Variants in ITGAM observed in about 807,000 individuals in gnomAD.
The protein encoded by ITGAM is integrin subunit alpha M.
ITGAM carries 79 observed loss-of-function variants against 137.5 expected under a neutral mutation model. The ratio of observed to expected loss-of-function variants is 0.57; its 90% CI spans 0.48 to 0.69. ITGAM has a LOEUF of 0.69. Ranked by LOEUF, ITGAM falls within the 30% of genes least tolerant of loss-of-function variation. The probability of loss-of-function intolerance (pLI) is 0.00; values close to 1 mark genes in which losing one functional copy is unlikely to be tolerated. For missense variants in ITGAM, 1,343 were observed against 1,483.5 expected (o/e 0.91, Z 1.56); for synonymous variants, 583 against 592.3 (o/e 0.98, Z 0.23).
chr16:31,292,725 T>TC (rs746884642), intron 12 of ITGAM, among the ~76,000 whole-genome samples: 1 of 152,138 alleles, frequency 6.6e-6, no homozygotes, highest in Non-Finnish European at 1.5e-5. Flanking sequence ...CAATAAATAT[T>TC]CATGTGCATG....
rs771365690 is a variant in ITGAM, at chr16:31,321,300, G to C, written c.1767G>C (p.Gly589=). The C allele has an allele frequency of 1.9e-6, 3 of 1,613,996 alleles. No individual in the cohort carries two copies. The South Asian group carries it at 3.3e-5, about 18-fold the overall frequency. Residue 589 remains glycine, a synonymous_variant, in exon 15 of 30, where the codon GGG becomes GGC. Coordinates refer to ENST00000544665, the MANE Select transcript of ITGAM (RefSeq NM_000632.4). ...AGTATTTTGGTCAGTCACTGAGTGG[G>C]GGCCAGGACCTCACAATGGATGGAC... ...RLQYFGQSLS[G]GQDLTMDGLV...
At position 31,329,258 on chromosome 16, in the gene ITGAM, C is replaced by T; in HGVS notation, c.2823C>T (p.Phe941=). 2 of 1,613,180 alleles carry T rather than the reference C, an allele frequency of 1.2e-6. No homozygotes were observed. Among genetic ancestry groups the T allele is most frequent in the Non-Finnish European group, 1.7e-6 (2 of 1,179,338 alleles). The change falls in exon 24 of 30, where the codon TTC becomes TTT. Residue 941 remains phenylalanine, a synonymous_variant. Coordinates refer to ENST00000544665, the MANE Select transcript of ITGAM (RefSeq NM_000632.4). The part of the protein sequence containing the change: ...SHGVSTKYLN[F]TASENTSRVM... ...GGGTCTCCACTAAATATCTCAACTT[C>T]ACGGCCTCAGAGAATACCAGTCGGG...
At chr16:31,300,763 T>C (rs760082143) in intron 14 of ITGAM, among the ~76,000 whole-genome samples, 5 of 152,042 alleles carry the variant, frequency 3.3e-5, no homozygotes, top group Non-Finnish European at 7.4e-5. Flanking sequence ...ATACAAAAAT[T>C]AGCCGGGCTG....
intron 22 of ITGAM, 23 bp downstream of exon 22, chr16:31,326,958 T>G (rs778650998): frequency 1.8e-5 from 28 of 1,572,820 alleles, no homozygotes; most frequent in Non-Finnish European, 2.3e-5. Context: ...ACCAGGCTTC[T>G]GCAGGCAGTT....
chr16:31,314,583 G>T (rs2080370466), intron 14 of ITGAM, among the ~76,000 whole-genome samples: 2 of 152,028 alleles, frequency 1.3e-5, no homozygotes, highest in Admixed American at 6.6e-5. Context: ...TGTTTCATTT[G>T]TCTATATATC....
chr16:31,279,057 G>A (rs1273995296), intron 12 of ITGAM, among the ~76,000 whole-genome samples: 4 of 152,158 alleles, frequency 2.6e-5, no homozygotes, highest in Admixed American at 6.5e-5. Context: ...TCCCTACAAA[G>A]GACATGAACT....
intron 11 of ITGAM, 143 bp from the exon 12 acceptor site, chr16:31,277,824 C>T (rs561212977): frequency 1.2e-6 from 1 of 845,378 alleles, no homozygotes; most frequent in South Asian, 1.9e-5. Context: ...TAATTATGTT[C>T]ATAAAGAGAA....
chr16:31,306,009 C>G (rs1208785850), intron 14 of ITGAM, among the ~76,000 whole-genome samples: 1 of 152,024 alleles, frequency 6.6e-6, no homozygotes, highest in East Asian at 1.9e-4. Flanking sequence ...CCCTCTTTCT[C>G]TATCTTTTGG....
At chr16:31,311,919 G>T (rs943194336) in intron 14 of ITGAM, among the ~76,000 whole-genome samples, 3 of 151,946 alleles carry the variant, frequency 2.0e-5, no homozygotes, top group Non-Finnish European at 2.9e-5. Context: ...GATTAAGAAA[G>T]TGTGGCACAT....
chr16:31,306,158 C>T (rs925671551), intron 14 of ITGAM, among the ~76,000 whole-genome samples: 11 of 152,038 alleles, frequency 7.2e-5, no homozygotes, highest in African/African-American at 2.7e-4. Context: ...CTTGCTATAG[C>T]TATTATATGA....
chr16:31,291,518 C>T (rs572235201), intron 12 of ITGAM, among the ~76,000 whole-genome samples: 37 of 151,946 alleles, frequency 2.4e-4, no homozygotes, highest in Non-Finnish European at 4.3e-4. Context: ...TTTGTCTTTT[C>T]GATAAAAGCC....
At chr16:31,282,785 C>T (rs898714676) in intron 12 of ITGAM, among the ~76,000 whole-genome samples, 21 of 152,124 alleles carry the variant, frequency 1.4e-4, no homozygotes, top group Admixed American at 1.0e-3. Context: ...TTATTTTGCT[C>T]GTTAGTTGAT....
At chr16:31,301,708 T>C (rs2080199134) in intron 14 of ITGAM, among the ~76,000 whole-genome samples, 2 of 152,188 alleles carry the variant, frequency 1.3e-5, no homozygotes, top group Admixed American at 6.5e-5. Context: ...GTGAAACTTA[T>C]TTTACTAATT....
rs760759749 is a variant in ITGAM, at chr16:31,265,517, G to A, written c.238+19G>A. The A allele has an allele frequency of 1.8e-5, 28 of 1,522,314 alleles. No homozygotes were observed. Among genetic ancestry groups the A allele is most frequent in the Admixed American group, 9.6e-5 (5 of 52,076 alleles). The allele number at this position is 1,522,314 out of a possible 1,614,324, so 94.3% of individuals were successfully genotyped here. On this transcript the variant is annotated intron_variant, in intron 3 of 29. Coordinates refer to ENST00000544665, the MANE Select transcript of ITGAM (RefSeq NM_000632.4). ...CTGCAGGGTGAGTCACTGCCCCGCC[G>A]GGCTGGGACTGGGATTCCCCTGTGA...
intron 24 of ITGAM, 150 bp from the exon 25 acceptor site, chr16:31,329,648 G>A: frequency 1.5e-6 from 1 of 652,668 alleles, no homozygotes; most frequent in South Asian, 1.9e-5. Flanking sequence ...GTGTGGCACT[G>A]GAATGCGTAT....
At position 31,273,436 on chromosome 16, in the gene ITGAM, G is replaced by A. The variant is rs2079873711; in HGVS notation, c.776G>A (p.Gly259Glu). ...AAGATCCTAGTTGTCATCACGGATGGAGAAAAGTTTGGCGATCCCTTGGGA... is the reference window on the plus strand; with the variant it reads ...AAGATCCTAGTTGTCATCACGGATGAAGAAAAGTTTGGCGATCCCTTGGGA... ...AFKILVVITD[G>E]EKFGDPLGYE... The change falls in exon 8 of 30, where the codon GGA becomes GAA. Residue 259 changes from glycine (G) to glutamate (E), a missense_variant. Physicochemically the swap from Gly to Glu is moderately conservative, Grantham distance 98. Transcript: ENST00000544665. 1.2e-6 allele frequency: 2 copies of A among 1,613,918 alleles called. No homozygotes were observed. The highest frequency in any genetic ancestry group is 1.7e-6 in the Non-Finnish European group (2 of 1,179,846).
intron 14 of ITGAM, among the ~76,000 whole-genome samples, chr16:31,304,005 G>C (rs553868325): frequency 1.3e-5 from 2 of 152,216 alleles, no homozygotes; most frequent in African/African-American, 4.8e-5. Flanking sequence ...GAATCAAATG[G>C]TAGATCTACT....
rs1449242816 is a variant in ITGAM at position 31,297,923 on chromosome 16, C to T, written c.1676C>T (p.Ser559Leu). 6.2e-7 allele frequency: 1 copy of T among 1,613,810 alleles called. No individual in the cohort carries two copies. Among genetic ancestry groups the T allele is most frequent in the East Asian group, 2.2e-5 (1 of 44,850 alleles). The change falls in exon 14 of 30, where the codon TCA (serine) becomes TTA (leucine). Residue 559 changes from serine to leucine, a missense_variant. Physicochemically the swap from Ser to Leu is moderately radical, Grantham distance 145. Coordinates refer to ENST00000544665, the MANE Select transcript of ITGAM (RefSeq NM_000632.4). ...GCTGTTTACCTGTTTCACGGAACCT[C>T]AGGATCTGGCATCAGCCCCTCCCAT... is the stretch of plus-strand genomic sequence containing the variant. ...RGAVYLFHGT[S>L]GSGISPSHSQ...
Position 31,275,550 on chromosome 16 carries a change from TG to T in ITGAM, c.863del (p.Gly288GlufsTer28). 3 of 1,613,850 alleles carry T rather than the reference TG, an allele frequency of 1.9e-6. No homozygotes were observed. The highest frequency in any genetic ancestry group is 1.7e-4 in the Middle Eastern group (1 of 6,060). ...REGVIRYVIG[V>X]GDAFRSEKSR... ...TTAGCCTCTGTTCCTTGGTAACAGG[TG>T]GGAGATGCCTTCCGCAGTGAGAAAT... is the stretch of plus-strand genomic sequence containing the variant. On this transcript the variant is annotated frameshift_variant and splice_region_variant, in exon 9 of 30. Coordinates refer to ENST00000544665, the MANE Select transcript of ITGAM (RefSeq NM_000632.4). LOFTEE classifies it high-confidence loss of function.
Sources: gnomAD v4.1 joint callset for allele counts (sites outside exome capture counted in the v4.1 genomes callset) on GRCh38, gnomAD v4.1.1 for gene constraint, MANE v1.5 for transcripts, NCBI Gene and HGNC (gene_info 2026-07-23, HGNC 2026-07-21) for gene names.